Variants in TYW1 observed in about 807,000 individuals in gnomAD.
TYW1 encodes the protein tRNA-yW synthesizing protein 1 homolog.
TYW1 carries 46 observed loss-of-function variants against 96.2 expected under a neutral mutation model. The observed-to-expected ratio is 0.48, with a 90% confidence interval of 0.38 to 0.61. TYW1 has a LOEUF of 0.61. Ranked by LOEUF, TYW1 falls within the 20% of genes least tolerant of loss-of-function variation. TYW1 has a pLI of 0.00. For missense variants in TYW1, 684 were observed against 909.6 expected (o/e 0.75, Z 3.19); for synonymous variants, 274 against 323.0 (o/e 0.85, Z 1.63).
Position 67,117,531 on chromosome 7 carries a change from C to T in TYW1, c.1611C>T (p.Thr537=). 6.2e-7 allele frequency: 1 copy of T among 1,613,348 alleles called. No homozygotes were observed. Among genetic ancestry groups the T allele is most frequent in the East Asian group, 2.2e-5 (1 of 44,812 alleles). ...TGTATGTCAGTGTGGATGCCAGTAC[C>T]AAAGACAGCCTGAAGAAAATCGACC... The part of the protein sequence containing the change: ...TQLYVSVDAS[T]KDSLKKIDRP... The change falls in exon 13 of 16, where the codon ACC becomes ACT. Residue 537 remains threonine (T), a synonymous_variant. Coordinates refer to ENST00000359626, the MANE Select transcript of TYW1 (RefSeq NM_018264.4).
At chr7:67,091,457 T>A (rs1396516953) in intron 11 of TYW1, among the ~76,000 whole-genome samples, 1 of 151,976 alleles carries the variant, frequency 6.6e-6, no homozygotes, top group Non-Finnish European at 1.5e-5. Flanking sequence ...GAGATACACC[T>A]AATGTAAATG....
At chr7:67,159,724 T>C (rs951892361) in intron 13 of TYW1, among the ~76,000 whole-genome samples, 1 of 152,206 alleles carries the variant, frequency 6.6e-6, no homozygotes, top group African/African-American at 2.4e-5. Context: ...CCATGCTGTA[T>C]GTAGTAATAG....
chr7:67,213,444 G>T (rs939688643), intron 15 of TYW1, among the ~76,000 whole-genome samples: 3 of 152,164 alleles, frequency 2.0e-5, no homozygotes, highest in African/African-American at 7.2e-5. Flanking sequence ...TTGTTTAGCA[G>T]ATATGTATTT....
rs3071679 is a variant in TYW1 at position 67,159,783 on chromosome 7, A to AATTTT, written c.1699-23328_1699-23324dup. Among the ~76,000 whole-genome samples the AATTTT allele has an allele frequency of 9.6e-4, 142 of 147,624 alleles. 1 individual carries two copies. Among genetic ancestry groups the AATTTT allele is most frequent in the African/African-American group, 3.2e-3 (129 of 39,884 alleles). Reference sequence around the variant, plus strand: ...GAATTCCATTGTAACAATATCACAAAATTTTATTTTATTTTATTTATTTAT... The same window carrying AATTTT: ...GAATTCCATTGTAACAATATCACAAAATTTTATTTTATTTTATTTTATTTATTTAT... On this transcript the variant is annotated intron_variant, in intron 13 of 15. Coordinates refer to ENST00000359626, the MANE Select transcript of TYW1 (RefSeq NM_018264.4).
At chr7:67,152,758 C>T (rs551619021) in intron 13 of TYW1, among the ~76,000 whole-genome samples, 14 of 152,176 alleles carry the variant, frequency 9.2e-5, no homozygotes, top group Middle Eastern at 3.4e-3. Context: ...TGGGCCACCA[C>T]GCCTGGCTCA....
chr7:67,092,979 G>A (rs542080610), intron 11 of TYW1, among the ~76,000 whole-genome samples: 2 of 151,864 alleles, frequency 1.3e-5, no homozygotes, highest in East Asian at 2.0e-4. Flanking sequence ...CACCACGCCC[G>A]GCCCAAAACT....
Position 67,235,981 on chromosome 7 carries a change from A to G in TYW1, c.1978-2327A>G, listed in dbSNP as rs577217855. Reference sequence around the variant, plus strand: ...TGATGGCATATGTTGTTAAGTTCCTATATTCACAGAGCCAGCAGGCTTGGT... The same window carrying G: ...TGATGGCATATGTTGTTAAGTTCCTGTATTCACAGAGCCAGCAGGCTTGGT... On this transcript the variant is annotated intron_variant, in intron 15 of 15. Coordinates refer to ENST00000359626, the MANE Select transcript of TYW1 (RefSeq NM_018264.4). 3.4e-4 allele frequency among the ~76,000 whole-genome samples: 51 copies of G among 151,912 alleles called. No individual in the cohort carries two copies. In the East Asian group the frequency reaches 3.5e-3, roughly 10 times the overall value.
At chr7:67,164,255 G>A (rs1358105808) in intron 13 of TYW1, among the ~76,000 whole-genome samples, 1 of 151,748 alleles carries the variant, frequency 6.6e-6, no homozygotes, top group Non-Finnish European at 1.5e-5. Context: ...TATTGTTAAT[G>A]CCATGCTGCA....
At chr7:67,231,850 A>G (rs1228783904) in intron 15 of TYW1, among the ~76,000 whole-genome samples, 2 of 147,294 alleles carry the variant, frequency 1.4e-5, no homozygotes, top group African/African-American at 5.0e-5. Context: ...CCTCTCTTCT[A>G]TTTTTTTTTT....
chr7:67,155,557 T>A (rs1356912358), intron 13 of TYW1, among the ~76,000 whole-genome samples: 2 of 139,360 alleles, frequency 1.4e-5, no homozygotes, highest in Non-Finnish European at 3.1e-5. Flanking sequence ...GCTTTAGGTA[T>A]TCTTTTTTTT....
intron 3 of TYW1, among the ~76,000 whole-genome samples, chr7:67,004,918 G>A (rs144903047): frequency 6.6e-6 from 1 of 152,192 alleles, no homozygotes; most frequent in African/African-American, 2.4e-5. Context: ...ACCACATCTG[G>A]CTGATTTTTG....
chr7:67,114,144 C>T (rs1351495050), intron 12 of TYW1, among the ~76,000 whole-genome samples: 3 of 152,168 alleles, frequency 2.0e-5, no homozygotes, highest in African/African-American at 7.2e-5. Flanking sequence ...TCACCCTCCT[C>T]CCCTCTTCCT....
At chr7:67,028,586 G>A (rs1325019337) in intron 7 of TYW1, among the ~76,000 whole-genome samples, 5 of 152,150 alleles carry the variant, frequency 3.3e-5, no homozygotes, top group African/African-American at 4.8e-5. Context: ...AACATTTCTC[G>A]CCTTTCAGAA....
intron 13 of TYW1, among the ~76,000 whole-genome samples, chr7:67,151,909 C>T (rs577394481): frequency 1.3e-5 from 2 of 152,192 alleles, no homozygotes; most frequent in African/African-American, 2.4e-5. Flanking sequence ...TGGGCTCAAG[C>T]GATCCTCCCA....
intron 15 of TYW1, among the ~76,000 whole-genome samples, chr7:67,205,109 T>C (rs142430285): frequency 0.014 from 2,118 of 152,292 alleles, 47 homozygotes; most frequent in African/African-American, 0.048. Flanking sequence ...CTGGATCTTA[T>C]TTATTAATAA....
intron 13 of TYW1, among the ~76,000 whole-genome samples, chr7:67,158,575 T>C (rs1395376286): frequency 6.6e-6 from 1 of 151,972 alleles, no homozygotes. Context: ...ATTATTGTTA[T>C]TATTTTTTTC....
intron 13 of TYW1, among the ~76,000 whole-genome samples, chr7:67,147,638 C>G (rs939069066): frequency 6.6e-6 from 1 of 152,112 alleles, no homozygotes; most frequent in African/African-American, 2.4e-5. Context: ...CATGTGTTCT[C>G]ATCATTTAGC....
chr7:67,058,627 C>A (rs1009096239), intron 9 of TYW1, among the ~76,000 whole-genome samples: 4 of 151,988 alleles, frequency 2.6e-5, no homozygotes, highest in African/African-American at 9.7e-5. Context: ...TGCCACCATG[C>A]CTGGCAAAAG....
intron 6 of TYW1, among the ~76,000 whole-genome samples, chr7:67,021,408 T>C (rs1794267902): frequency 6.6e-6 from 1 of 152,270 alleles, no homozygotes; most frequent in Non-Finnish European, 1.5e-5. Flanking sequence ...TGCCTCCTGG[T>C]GCTTGCCTAA....
Sources: allele counts gnomAD v4.1 joint callset (sites outside exome capture counted in the v4.1 genomes callset), GRCh38; gene constraint gnomAD v4.1.1; transcripts MANE v1.5; gene names NCBI Gene and HGNC (gene_info 2026-07-23, HGNC 2026-07-21).